The following ZZZ3 variants were observed in gnomAD, a reference collection of about 807,000 sequenced individuals.
The protein encoded by ZZZ3 is ZZ-type zinc finger-containing protein 3.
A neutral mutation model predicts 95.2 loss-of-function variants in ZZZ3; 22 were observed. That is an observed-to-expected ratio of 0.23 (90% CI 0.17 to 0.33). The LOEUF is 0.33. Among genes scored for constraint, ZZZ3 ranks in the 10% least tolerant of loss-of-function variants. ZZZ3 has a pLI of 1.00. For synonymous variants in ZZZ3, 335 were observed against 358.9 expected (o/e 0.93, Z 0.75); for missense variants, 885 against 1,066.5 (o/e 0.83, Z 2.37).
intron 1 of ZZZ3, among the ~76,000 whole-genome samples, chr1:77,680,374 C>T (rs1166068323): frequency 6.6e-5 from 10 of 152,196 alleles, no homozygotes; most frequent in Non-Finnish European, 1.3e-4. Flanking sequence ...CTACATTCCT[C>T]TTTTCTCCCC....
At chr1:77,660,135 A>G (rs1011323180) in intron 1 of ZZZ3, among the ~76,000 whole-genome samples, 5 of 152,070 alleles carry the variant, frequency 3.3e-5, no homozygotes, top group Admixed American at 3.3e-4. Flanking sequence ...CCTGGCTGAC[A>G]TTTCATTTTC....
chr1:77,643,087 G>A (rs539885772), intron 1 of ZZZ3, among the ~76,000 whole-genome samples: 1 of 152,048 alleles, frequency 6.6e-6, no homozygotes. Flanking sequence ...GGTGGTGTGC[G>A]CCTGTAATCC....
At chr1:77,610,150 C>T (rs1433343760) in intron 5 of ZZZ3, among the ~76,000 whole-genome samples, 2 of 137,540 alleles carry the variant, frequency 1.5e-5, no homozygotes, top group Non-Finnish European at 3.2e-5. Flanking sequence ...AAAAAAAAAG[C>T]AGACTTTACA....
At position 77,602,316 on chromosome 1, in the gene ZZZ3, A is replaced by G. The variant is rs186030071; in HGVS notation, c.1506-17661T>C. On this transcript the variant is annotated intron_variant, in intron 5 of 14. Coordinates refer to ENST00000370801, the MANE Select transcript of ZZZ3 (RefSeq NM_015534.6). ...AAAAGGTGCAGCTGTAACAAAATAAATAACTTCATGTATTCTTCTATGTAT... is the reference window on the plus strand; with the variant it reads ...AAAAGGTGCAGCTGTAACAAAATAAGTAACTTCATGTATTCTTCTATGTAT... 6.2e-3 allele frequency among the ~76,000 whole-genome samples: 946 copies of G among 152,356 alleles called. 7 individuals are homozygous for G. Among genetic ancestry groups the G allele is most frequent in the Non-Finnish European group, 9.8e-3 (668 of 68,026 alleles).
chr1:77,592,073 C>G (rs1663759017), intron 5 of ZZZ3, among the ~76,000 whole-genome samples: 1 of 152,052 alleles, frequency 6.6e-6, no homozygotes, highest in South Asian at 2.1e-4. Flanking sequence ...GGAGAGTTGC[C>G]TTGGGACTGA....
intron 1 of ZZZ3, among the ~76,000 whole-genome samples, chr1:77,670,108 C>T (rs1671621127): frequency 6.8e-6 from 1 of 147,486 alleles, no homozygotes; most frequent in African/African-American, 2.5e-5. Flanking sequence ...GAAATTAACA[C>T]CAGCATTTAG....
At chr1:77,643,761 AG>A (rs1481795149) in intron 1 of ZZZ3, among the ~76,000 whole-genome samples, 17 of 152,242 alleles carry the variant, frequency 1.1e-4, no homozygotes, top group Non-Finnish European at 1.9e-4. Flanking sequence ...ATACAGCCCT[AG>A]TGATATAACC....
intron 5 of ZZZ3, 60 bp from the exon 6 acceptor site, chr1:77,584,715 C>T (rs1192351966): frequency 2.8e-6 from 4 of 1,420,402 alleles, no homozygotes; most frequent in Non-Finnish European, 3.8e-6. Flanking sequence ...TAAATAAAAA[C>T]TGAGTTCAAG....
Position 77,642,894 on chromosome 1 carries a change from TCAAA to T in ZZZ3, c.-402-1243_-402-1240del, listed in dbSNP as rs1329942273. ...TAGAGCGATTAAGAAACATCTATCC[TCAAA>T]CACAATTCCTTATTCACTTGTTTTC... On this transcript the variant is annotated intron_variant, in intron 1 of 14. Coordinates refer to ENST00000370801, the MANE Select transcript of ZZZ3 (RefSeq NM_015534.6). Among the ~76,000 whole-genome samples the T allele has an allele frequency of 3.3e-5, 5 of 152,318 alleles. No individual in the cohort carries two copies. The East Asian group carries it at 9.6e-4, about 29-fold the overall frequency.
intron 1 of ZZZ3, among the ~76,000 whole-genome samples, chr1:77,659,087 A>G (rs968902725): frequency 6.6e-6 from 1 of 152,006 alleles, no homozygotes; most frequent in African/African-American, 2.4e-5. Context: ...GCGTAGTGGC[A>G]CATGCCTGTA....
intron 5 of ZZZ3, among the ~76,000 whole-genome samples, chr1:77,624,580 C>A (rs139326436): frequency 1.8e-4 from 27 of 152,288 alleles, no homozygotes; most frequent in African/African-American, 6.3e-4. Flanking sequence ...AAAAAAGCTT[C>A]TGTGCCTGGG....
At chr1:77,644,853 C>T (rs1481008061) in intron 1 of ZZZ3, among the ~76,000 whole-genome samples, 1 of 152,152 alleles carries the variant, frequency 6.6e-6, no homozygotes, top group East Asian at 1.9e-4. Flanking sequence ...TTCAATTAAG[C>T]ACTTCAGGTC....
At chr1:77,667,790 G>C (rs1570656412) in intron 1 of ZZZ3, among the ~76,000 whole-genome samples, 3 of 136,424 alleles carry the variant, frequency 2.2e-5, no homozygotes, top group Non-Finnish European at 4.6e-5. Context: ...TTTTGAGAGA[G>C]AGTCTCGCTC....
In ZZZ3 at chr1:77,569,391, C is replaced by T. The variant is rs1350795118; in HGVS notation, c.2332-925G>A. On this transcript the variant is annotated intron_variant, in intron 12 of 14. Transcript: ENST00000370801. ...GTTGAAGTATCCCTTAATAAACTGGCCTTCAAGGTATAAAGTCTATTTATG... is the reference window on the plus strand; with the variant it reads ...GTTGAAGTATCCCTTAATAAACTGGTCTTCAAGGTATAAAGTCTATTTATG... Among the ~76,000 whole-genome samples, 4 of 152,170 alleles carry T rather than the reference C, an allele frequency of 2.6e-5. No homozygotes were observed. The East Asian group carries it at 5.8e-4, about 22-fold the overall frequency.
intron 1 of ZZZ3, among the ~76,000 whole-genome samples, chr1:77,648,887 T>C (rs1669543846): frequency 1.3e-5 from 2 of 152,136 alleles, no homozygotes; most frequent in African/African-American, 4.8e-5. Context: ...TCCCAGAACT[T>C]TGTGAGGCCA....
chr1:77,656,816 G>A (rs371076), intron 1 of ZZZ3, among the ~76,000 whole-genome samples: 46,362 of 151,970 alleles, frequency 0.31, 7,632 homozygotes, highest in South Asian at 0.48. Flanking sequence ...ATCATATATA[G>A]TTGATTCTCA....
At position 77,584,499 on chromosome 1, in the gene ZZZ3, A is replaced by C. The variant is rs1662879070; in HGVS notation, c.1644+18T>G. On this transcript the variant is annotated intron_variant, in intron 6 of 14. Coordinates refer to ENST00000370801, the MANE Select transcript of ZZZ3 (RefSeq NM_015534.6). ...CCAAATAGATCTTAGTAAATCTTAA[A>C]AACAGTTCAATGTATACCTTCTTCT... 1 of 1,589,312 alleles carries C rather than the reference A, an allele frequency of 6.3e-7. No homozygotes were observed. The highest frequency in any genetic ancestry group is 1.4e-5 in the African/African-American group (1 of 73,340).
At chr1:77,575,294 G>C (rs750574143) in intron 12 of ZZZ3, among the ~76,000 whole-genome samples, 5 of 152,214 alleles carry the variant, frequency 3.3e-5, no homozygotes, top group Non-Finnish European at 5.9e-5. Context: ...ATTACTTTTA[G>C]AATAGTCCAG....
intron 5 of ZZZ3, among the ~76,000 whole-genome samples, chr1:77,617,148 A>G (rs2100764263): frequency 6.6e-6 from 1 of 152,232 alleles, no homozygotes; most frequent in East Asian, 1.9e-4. Flanking sequence ...ATCACATAAA[A>G]TTTACCTTTT....
Sources: allele counts gnomAD v4.1 joint callset (sites outside exome capture counted in the v4.1 genomes callset), GRCh38; gene constraint gnomAD v4.1.1; transcripts MANE v1.5; gene names NCBI Gene and HGNC (gene_info 2026-07-23, HGNC 2026-07-21).